KCNQ5: variants seen among roughly 807,000 people sequenced by gnomAD.
The protein encoded by KCNQ5 is potassium voltage-gated channel subfamily KQT member 5.
In KCNQ5, 30 loss-of-function variants were observed where a neutral mutation model predicts 98.2. The observed-to-expected ratio is 0.31, with a 90% CI of 0.23 to 0.41. The LOEUF (loss-of-function observed/expected upper bound fraction) is 0.41, where lower values mean the gene tolerates loss of function less well. Ranked by LOEUF, KCNQ5 falls within the 10% of genes least tolerant of loss-of-function variation. The pLI is 1.00. For synonymous variants in KCNQ5, 458 were observed against 449.4 expected (o/e 1.02, Z -0.24); for missense variants, 835 against 1,182.5 (o/e 0.71, Z 4.31).
intron 1 of KCNQ5, among the ~76,000 whole-genome samples, chr6:72,777,080 AG>A: frequency 6.6e-6 from 1 of 152,228 alleles, no homozygotes; most frequent in East Asian, 1.9e-4. Flanking sequence ...ACTGCAGAAT[AG>A]TGTAAGCAGG....
intron 1 of KCNQ5, among the ~76,000 whole-genome samples, chr6:72,688,841 G>C (rs183581524): frequency 6.6e-6 from 1 of 151,884 alleles, no homozygotes; most frequent in African/African-American, 2.4e-5. Context: ...TAAAATTTTT[G>C]GTCTTTTGGT....
At position 73,039,305 on chromosome 6, in the gene KCNQ5, C is replaced by A. The variant is rs113242003; in HGVS notation, c.490-2631C>A. ...CATGGATTTTCCATATTGTTTTCCTCTTTTCAGTTTCATTAGTTTTTGCTC... is the reference window on the plus strand; with the variant it reads ...CATGGATTTTCCATATTGTTTTCCTATTTTCAGTTTCATTAGTTTTTGCTC... On this transcript the variant is annotated intron_variant, in intron 2 of 13. Transcript: ENST00000370398. Among the ~76,000 whole-genome samples the A allele has an allele frequency of 8.8e-3, 1,340 of 152,128 alleles. 9 individuals are homozygous for A. Among genetic ancestry groups the A allele is most frequent in the East Asian group, 0.047 (244 of 5,178 alleles).
At chr6:73,145,398 G>A (rs1293468685) in intron 10 of KCNQ5, among the ~76,000 whole-genome samples, 1 of 152,188 alleles carries the variant, frequency 6.6e-6, no homozygotes, top group Non-Finnish European at 1.5e-5. Context: ...TGCTTAGCAT[G>A]TTTTCTTTCA....
At chr6:73,137,564 A>G (rs1191750303) in intron 10 of KCNQ5, among the ~76,000 whole-genome samples, 2 of 152,222 alleles carry the variant, frequency 1.3e-5, no homozygotes, top group African/African-American at 4.8e-5. Context: ...TGTCAAGTAT[A>G]TGAGTAATAA....
chr6:72,702,472 A>G (rs1188462390), intron 1 of KCNQ5, among the ~76,000 whole-genome samples: 1 of 152,194 alleles, frequency 6.6e-6, no homozygotes, highest in South Asian at 2.1e-4. Context: ...ATTTTTTGCA[A>G]GTGATAAAAA....
At chr6:73,039,662 T>C (rs529026848) in intron 2 of KCNQ5, among the ~76,000 whole-genome samples, 4 of 152,318 alleles carry the variant, frequency 2.6e-5, no homozygotes, top group Admixed American at 2.0e-4. Context: ...TTTTATTCCA[T>C]TGTGGCTTGA....
rs536545818 is a variant in KCNQ5 at position 72,935,125 on chromosome 6, C to T, written c.399-68783C>T. Reference sequence around the variant, plus strand: ...TCGCTCTTGTCACCAGGCTGGAGTGCAATGGCGTGATCTTGGCTCGCTGCA... The same window carrying T: ...TCGCTCTTGTCACCAGGCTGGAGTGTAATGGCGTGATCTTGGCTCGCTGCA... On this transcript the variant is annotated intron_variant, in intron 1 of 13. Coordinates refer to ENST00000370398, the MANE Select transcript of KCNQ5 (RefSeq NM_019842.4). Among the ~76,000 whole-genome samples the T allele has an allele frequency of 2.7e-3, 358 of 134,794 alleles. 1 individual carries two copies. The highest frequency in any genetic ancestry group is 0.01 in the African/African-American group (351 of 34,964). The allele number at this position is 134,794 out of a possible 152,430, so 88.4% of individuals were successfully genotyped here.
At chr6:72,926,065 C>A (rs1205418194) in intron 1 of KCNQ5, among the ~76,000 whole-genome samples, 1 of 152,126 alleles carries the variant, frequency 6.6e-6, no homozygotes, top group African/African-American at 2.4e-5. Context: ...TGCATCTGAG[C>A]ATCAGGTGGA....
chr6:72,729,926 C>A (rs138059321), intron 1 of KCNQ5, among the ~76,000 whole-genome samples: 1 of 152,050 alleles, frequency 6.6e-6, no homozygotes, highest in Admixed American at 6.6e-5. Flanking sequence ...TTTGGGAGGC[C>A]GAGGTGGGAG....
chr6:72,727,524 A>AT (rs66468267), intron 1 of KCNQ5, among the ~76,000 whole-genome samples: 73 of 150,082 alleles, frequency 4.9e-4, no homozygotes, highest in Admixed American at 3.5e-3. Context: ...ATTTTTCTGG[A>AT]TTTTTTTTTT....
intron 10 of KCNQ5, among the ~76,000 whole-genome samples, chr6:73,163,663 G>A (rs1019855644): frequency 1.3e-5 from 2 of 152,182 alleles, no homozygotes; most frequent in Non-Finnish European, 2.9e-5. Context: ...CAGAAGAATC[G>A]CTTGAACCCG....
intron 7 of KCNQ5, among the ~76,000 whole-genome samples, chr6:73,117,823 C>G (rs1270888133): frequency 6.6e-6 from 1 of 152,172 alleles, no homozygotes; most frequent in Non-Finnish European, 1.5e-5. Flanking sequence ...CTAAATCACT[C>G]TATAAATTGT....
intron 1 of KCNQ5, among the ~76,000 whole-genome samples, chr6:72,661,254 G>T (rs1197589287): frequency 2.0e-5 from 3 of 151,876 alleles, no homozygotes; most frequent in Non-Finnish European, 4.4e-5. Context: ...AACACATTGA[G>T]AATTTACCAA....
intron 1 of KCNQ5, among the ~76,000 whole-genome samples, chr6:72,789,318 G>A (rs1404601852): frequency 6.6e-6 from 1 of 152,082 alleles, no homozygotes; most frequent in Non-Finnish European, 1.5e-5. Flanking sequence ...CACCACACCT[G>A]GCTAATCCAC....
At chr6:72,965,055 C>T (rs1404426630) in intron 1 of KCNQ5, among the ~76,000 whole-genome samples, 1 of 152,136 alleles carries the variant, frequency 6.6e-6, no homozygotes, top group Non-Finnish European at 1.5e-5. Flanking sequence ...TCAAGTGATC[C>T]TCCCACCTCG....
Position 73,004,380 on chromosome 6 carries a change from T to A in KCNQ5, c.489+382T>A, listed in dbSNP as rs1041558670. 2.6e-5 allele frequency among the ~76,000 whole-genome samples: 4 copies of A among 152,356 alleles called. No homozygotes were observed. The South Asian group carries it at 6.2e-4, about 24-fold the overall frequency. Reference sequence around the variant, plus strand: ...AGAGTAGAGAGCATTTTCCAATAACTGTAATTTGGCAGTAGCTAAATATAA... The same window carrying A: ...AGAGTAGAGAGCATTTTCCAATAACAGTAATTTGGCAGTAGCTAAATATAA... On this transcript the variant is annotated intron_variant, in intron 2 of 13. Transcript: ENST00000370398.
intron 1 of KCNQ5, among the ~76,000 whole-genome samples, chr6:72,872,701 C>G (rs556069965): frequency 1.3e-5 from 2 of 151,888 alleles, no homozygotes; most frequent in Non-Finnish European, 2.9e-5. Flanking sequence ...TGATTTACAA[C>G]GAGGAAAAAT....
At chr6:72,798,675 A>G (rs1414865488) in intron 1 of KCNQ5, among the ~76,000 whole-genome samples, 1 of 152,194 alleles carries the variant, frequency 6.6e-6, no homozygotes, top group Non-Finnish European at 1.5e-5. Flanking sequence ...CATTTCAAGC[A>G]TTAGGTTTCA....
intron 1 of KCNQ5, among the ~76,000 whole-genome samples, chr6:72,857,590 C>A (rs1777586772): frequency 6.6e-6 from 1 of 152,062 alleles, no homozygotes; most frequent in Non-Finnish European, 1.5e-5. Flanking sequence ...AACTAAAAGA[C>A]CTTAGAATGT....
Sources: allele counts gnomAD v4.1 joint callset (sites outside exome capture counted in the v4.1 genomes callset), GRCh38; gene constraint gnomAD v4.1.1; transcripts MANE v1.5; gene names NCBI Gene and HGNC (gene_info 2026-07-23, HGNC 2026-07-21).